TRAPPC13: variants seen among roughly 807,000 people sequenced by gnomAD.
TRAPPC13 encodes the protein REV7-interacting novel NHEJ regulator 1.
In TRAPPC13, 39 loss-of-function variants were observed where a neutral mutation model predicts 54.0. The ratio of observed to expected loss-of-function variants is 0.72; its 90% confidence interval spans 0.56 to 0.94. The LOEUF (loss-of-function observed/expected upper bound fraction) is 0.94, where lower values mean the gene tolerates loss of function less well. Ranked by LOEUF, TRAPPC13 falls within the 40% of genes least tolerant of loss-of-function variation. The probability of loss-of-function intolerance (pLI) is 0.00; values close to 1 mark genes in which losing one functional copy is unlikely to be tolerated. For missense variants in TRAPPC13, 386 were observed against 488.1 expected (o/e 0.79, Z 1.97); for synonymous variants, 148 against 167.7 (o/e 0.88, Z 0.91).
At chr5:65,630,264 T>G in intron 1 of TRAPPC13, 4 of 1,535,536 alleles carry the variant, frequency 2.6e-6, no homozygotes, top group Non-Finnish European at 3.5e-6. Flanking sequence ...GTGGGAAGTC[T>G]TCTTAAAGGA....
At chr5:65,642,104 CCT>C (rs1755991551) in intron 4 of TRAPPC13, among the ~76,000 whole-genome samples, 4 of 152,076 alleles carry the variant, frequency 2.6e-5, no homozygotes, top group Non-Finnish European at 5.9e-5. Flanking sequence ...AGGTGGATCA[CCT>C]GAGGTCAGAA....
chr5:65,626,722 C>T (rs1183064528), intron 1 of TRAPPC13, among the ~76,000 whole-genome samples: 1 of 152,004 alleles, frequency 6.6e-6, no homozygotes. Context: ...GGCAACAGAG[C>T]GAGACTCCAT....
At chr5:65,647,274 A>G in intron 5 of TRAPPC13, 92 bp downstream of exon 5, 1 of 1,115,086 alleles carries the variant, frequency 9.0e-7, no homozygotes, top group South Asian at 1.7e-5. Context: ...CATGAAGCAT[A>G]GGAACCTACT....
chr5:65,641,745 C>T (rs1755974502), intron 4 of TRAPPC13, among the ~76,000 whole-genome samples: 1 of 150,474 alleles, frequency 6.6e-6, no homozygotes, highest in South Asian at 2.1e-4. Flanking sequence ...CAAGACAAAA[C>T]AAATACAGAG....
chr5:65,630,019 C>G, intron 1 of TRAPPC13: 2 of 1,535,934 alleles, frequency 1.3e-6, no homozygotes, highest in South Asian at 1.2e-5. Flanking sequence ...GTACTAAAAA[C>G]GTTTCTCCTT....
chr5:65,642,427 C>T (rs1244187303), intron 4 of TRAPPC13, among the ~76,000 whole-genome samples: 1 of 151,636 alleles, frequency 6.6e-6, no homozygotes, highest in African/African-American at 2.4e-5. Context: ...TGTATTTTAA[C>T]TTCAAAAAAA....
At chr5:65,658,695 CTT>C (rs386418378) in intron 9 of TRAPPC13, among the ~76,000 whole-genome samples, 194 bp downstream of exon 9, 5,007 of 138,748 alleles carry the variant, frequency 0.036, 270 homozygotes, top group African/African-American at 0.12. Context: ...TTATTTACGT[CTT>C]GTTTTTTATT....
intron 1 of TRAPPC13, 120 bp downstream of exon 1, chr5:65,625,226 C>T (rs1254625207): frequency 2.3e-6 from 2 of 862,222 alleles, no homozygotes; most frequent in African/African-American, 3.4e-5. Context: ...CCTGCTCTGT[C>T]CTTTGCCGCC....
At chr5:65,641,088 T>C (rs1755947999) in intron 4 of TRAPPC13, among the ~76,000 whole-genome samples, 1 of 151,924 alleles carries the variant, frequency 6.6e-6, no homozygotes. Context: ...GGTGTGACAC[T>C]ATCCCTGTCT....
chr5:65,634,231 C>T (rs1435055757), intron 1 of TRAPPC13, among the ~76,000 whole-genome samples: 1 of 152,022 alleles, frequency 6.6e-6, no homozygotes, highest in African/African-American at 2.4e-5. Context: ...GTGATCCGCC[C>T]GCCTTGGCCT....
chr5:65,649,554 C>T (rs260041), intron 5 of TRAPPC13, among the ~76,000 whole-genome samples: 91,180 of 151,950 alleles, frequency 0.6, 27,697 homozygotes, highest in South Asian at 0.65. Flanking sequence ...ATTATTTTAA[C>T]GTGTTTCTCT....
At chr5:65,661,915 G>A in intron 10 of TRAPPC13, 135 bp from the exon 11 acceptor site, 1 of 554,828 alleles carries the variant, frequency 1.8e-6, no homozygotes, top group Non-Finnish European at 3.1e-6. Context: ...CAAGTAAAGT[G>A]AATCAGAAGT....
rs113409762 is a variant in TRAPPC13, at chr5:65,642,321, T to TA, written c.300+4555dup. ...CTGGGCAACAGTGTGAGACTCCATC[T>TA]AAAAAAAAAAAAAATTTCTTGTATT... On this transcript the variant is annotated intron_variant, in intron 4 of 12. Transcript: ENST00000399438. 6.3e-4 allele frequency among the ~76,000 whole-genome samples: 92 copies of TA among 145,634 alleles called. 1 individual carries two copies. In the South Asian group the frequency reaches 6.5e-3, roughly 10 times the overall value.
chr5:65,654,811 T>C (rs1435654924), intron 7 of TRAPPC13, among the ~76,000 whole-genome samples: 1 of 152,204 alleles, frequency 6.6e-6, no homozygotes, highest in Non-Finnish European at 1.5e-5. Flanking sequence ...TTGGTGAGAC[T>C]AGAAGCTAGG....
chr5:65,652,611 T>G, intron 7 of TRAPPC13, 66 bp downstream of exon 7: 1 of 1,139,648 alleles, frequency 8.8e-7, no homozygotes, highest in Non-Finnish European at 1.3e-6. Context: ...TAAAAATCTC[T>G]TATATACATT....
intron 5 of TRAPPC13, among the ~76,000 whole-genome samples, 197 bp from the exon 6 acceptor site, chr5:65,650,613 C>T (rs1331090790): frequency 6.6e-6 from 1 of 152,160 alleles, no homozygotes; most frequent in Non-Finnish European, 1.5e-5. Context: ...AATGTTATAT[C>T]TCATTTTACT....
chr5:65,642,836 T>C (rs1756020781), intron 4 of TRAPPC13, among the ~76,000 whole-genome samples: 1 of 152,156 alleles, frequency 6.6e-6, no homozygotes, highest in Non-Finnish European at 1.5e-5. Context: ...AATTATTTTT[T>C]ATTTTTTGGA....
Position 65,664,774 on chromosome 5 carries a change from T to C in TRAPPC13, c.*163T>C. On this transcript the variant is annotated 3_prime_UTR_variant, in exon 13 of 13. Coordinates refer to ENST00000399438, the MANE Select transcript of TRAPPC13 (RefSeq NM_024941.4). Reference sequence around the variant, plus strand: ...ATATTTGTTTTGAAGAGATCTGATTTTATCTTGTAATTTATATTTGAAATG... The same window carrying C: ...ATATTTGTTTTGAAGAGATCTGATTCTATCTTGTAATTTATATTTGAAATG... The C allele has an allele frequency of 1.6e-6, 1 of 615,732 alleles. No homozygotes were observed. The highest frequency in any genetic ancestry group is 2.0e-5 in the South Asian group (1 of 51,048). The allele number at this position is 615,732 out of a possible 1,614,324, so 38.1% of individuals were successfully genotyped here.
At chr5:65,640,038 G>A (rs1262803477) in intron 4 of TRAPPC13, among the ~76,000 whole-genome samples, 1 of 152,166 alleles carries the variant, frequency 6.6e-6, no homozygotes, top group Non-Finnish European at 1.5e-5. Flanking sequence ...TCCAGAAACT[G>A]GATGCAAATT....
Sources: gnomAD v4.1 joint callset for allele counts (sites outside exome capture counted in the v4.1 genomes callset) on GRCh38, gnomAD v4.1.1 for gene constraint, MANE v1.5 for transcripts, NCBI Gene and HGNC (gene_info 2026-07-23, HGNC 2026-07-21) for gene names.